DOCK7: variants seen among roughly 807,000 people sequenced by gnomAD.
The protein encoded by DOCK7 is dedicator of cytokinesis 7, also known as dedicator of cytokinesis protein 7.
A neutral mutation model predicts 271.0 loss-of-function variants in DOCK7; 138 were observed. That is an observed-to-expected ratio of 0.51 (90% CI 0.44 to 0.59). The LOEUF (loss-of-function observed/expected upper bound fraction) is 0.59. Ranked by LOEUF, DOCK7 falls within the 20% of genes least tolerant of loss-of-function variation. The pLI, the probability that DOCK7 is intolerant of heterozygous loss-of-function variation, is 0.00. For synonymous variants in DOCK7, 823 were observed against 876.1 expected (o/e 0.94, Z 1.07); for missense variants, 2,066 against 2,592.4 (o/e 0.80, Z 4.41).
At chr1:62,458,747 G>C (rs985017141) in intron 48 of DOCK7, 16 of 151,984 alleles carry the variant, frequency 1.1e-4, no homozygotes, top group African/African-American at 3.9e-4. Flanking sequence ...TAGCCAGGCT[G>C]GTCTCGAACT....
chr1:62,623,541 AT>A (rs1653547661), intron 12 of DOCK7, among the ~76,000 whole-genome samples: 1 of 152,224 alleles, frequency 6.6e-6, no homozygotes, highest in Non-Finnish European at 1.5e-5. Context: ...ATTTATGCTT[AT>A]AATACCAATT....
intron 18 of DOCK7, among the ~76,000 whole-genome samples, chr1:62,569,622 C>T (rs776860325): frequency 6.6e-6 from 1 of 152,088 alleles, no homozygotes; most frequent in African/African-American, 2.4e-5. Context: ...AAACCCACAG[C>T]CAATATCATA....
chr1:62,575,802 A>G (rs370971999), intron 18 of DOCK7, among the ~76,000 whole-genome samples: 27 of 152,356 alleles, frequency 1.8e-4, no homozygotes, highest in African/African-American at 6.0e-4. Flanking sequence ...GAGCATATAC[A>G]GTATGGTAGC....
chr1:62,578,951 A>C lies in DOCK7; in HGVS notation c.1887T>G (p.His629Gln), dbSNP rs761915421. 1.3e-6 allele frequency: 2 copies of C among 1,578,612 alleles called. No individual in the cohort carries two copies. The highest frequency in any genetic ancestry group is 4.6e-5 in the East Asian group (2 of 43,922). ...CAGGAAGCTTAACCTTGATTTCTTC[A>C]TGAAAATCAGGAGACCTTCATACAA... Reference protein sequence around the residue: ...VVYHNRSPDFHEEIKVKLPAT... With the variant: ...VVYHNRSPDFQEEIKVKLPAT... The change falls in exon 17 of 50, where the codon CAT becomes CAG. Residue 629 changes from histidine to glutamine, a missense_variant. Transcript: ENST00000635253.
chr1:62,567,441 T>A (rs561502194), intron 18 of DOCK7, among the ~76,000 whole-genome samples: 2 of 150,780 alleles, frequency 1.3e-5, no homozygotes, highest in East Asian at 3.9e-4. Flanking sequence ...GCAAACTAAC[T>A]CAAGAACAGA....
At chr1:62,522,170 G>C (rs1053059084) in intron 31 of DOCK7, among the ~76,000 whole-genome samples, 1 of 152,012 alleles carries the variant, frequency 6.6e-6, no homozygotes, top group Non-Finnish European at 1.5e-5. Context: ...TTAGGTACTT[G>C]CAGAGAAGAG....
At chr1:62,675,483 T>TA (rs938915083) in intron 1 of DOCK7, among the ~76,000 whole-genome samples, 22 of 151,922 alleles carry the variant, frequency 1.4e-4, no homozygotes, top group Admixed American at 1.1e-3. Flanking sequence ...AATAAGCACA[T>TA]AAAAAAGGTC....
At chr1:62,580,052 T>C (rs1021250080) in intron 16 of DOCK7, among the ~76,000 whole-genome samples, 3 of 152,164 alleles carry the variant, frequency 2.0e-5, no homozygotes, top group Non-Finnish European at 4.4e-5. Context: ...ACCTTCCATA[T>C]TCAGTGAGTA....
chr1:62,663,038 G>T lies in DOCK7; in HGVS notation c.131C>A (p.Ser44Tyr). 6.2e-7 allele frequency: 1 copy of T among 1,609,994 alleles called. No homozygotes were observed. The highest frequency in any genetic ancestry group is 8.5e-7 in the Non-Finnish European group (1 of 1,176,484). Residue 44 changes from serine (S) to tyrosine (Y), a missense_variant, in exon 2 of 50, where the codon TCC (serine) becomes TAC (tyrosine). This residue lies in a region of DOCK7 where 1,414 missense variants were observed against 1,670.4 expected (regional missense o/e 0.85). Coordinates refer to ENST00000635253, the MANE Select transcript of DOCK7 (RefSeq NM_001367561.1). Reference sequence around the variant, plus strand: ...TACGTTACTTACTGTGGTGTGATGGGATATATTGCCAACAATATTAAGGTT... The same window carrying T: ...TACGTTACTTACTGTGGTGTGATGGTATATATTGCCAACAATATTAAGGTT... ...LKNLNIVGNI[S>Y]HHTTVPLTEA... is the part of the protein sequence containing the mutation.
At chr1:62,501,655 T>C (rs1646788090) in intron 37 of DOCK7, among the ~76,000 whole-genome samples, 1 of 152,088 alleles carries the variant, frequency 6.6e-6, no homozygotes. Flanking sequence ...ATAAATCTTT[T>C]TGAACATTTT....
intron 4 of DOCK7, among the ~76,000 whole-genome samples, chr1:62,653,372 A>T (rs1657610219): frequency 6.6e-6 from 1 of 152,200 alleles, no homozygotes; most frequent in Admixed American, 6.5e-5. Context: ...TAACTTAGCT[A>T]TTTAAGTTTC....
At chr1:62,513,992 A>G (rs1644582512) in intron 31 of DOCK7, 94 bp from the exon 32 acceptor site, 3 of 1,135,904 alleles carry the variant, frequency 2.6e-6, no homozygotes, top group Non-Finnish European at 3.7e-6. Flanking sequence ...ACAATAAAAC[A>G]AAAGTTGCTT....
chr1:62,512,559 T>G (rs1485966917), intron 33 of DOCK7, among the ~76,000 whole-genome samples: 3 of 152,086 alleles, frequency 2.0e-5, no homozygotes, highest in African/African-American at 7.2e-5. Context: ...ATATTTGAGT[T>G]TGATGGGCAA....
At chr1:62,570,637 G>A (rs1260349999) in intron 18 of DOCK7, among the ~76,000 whole-genome samples, 1 of 151,986 alleles carries the variant, frequency 6.6e-6, no homozygotes, top group Non-Finnish European at 1.5e-5. Flanking sequence ...GAGGCATCAC[G>A]CTACCCAACT....
chr1:62,554,763 C>T (rs532049505), intron 21 of DOCK7, among the ~76,000 whole-genome samples: 1 of 152,246 alleles, frequency 6.6e-6, no homozygotes, highest in South Asian at 2.1e-4. Flanking sequence ...TGGAGGAGCA[C>T]TGTAGATATT....
chr1:62,666,285 T>A (rs1659310308), intron 1 of DOCK7, among the ~76,000 whole-genome samples: 1 of 152,196 alleles, frequency 6.6e-6, no homozygotes, highest in Admixed American at 6.5e-5. Context: ...ATTGAAGATT[T>A]CAGATGTTAA....
intron 2 of DOCK7, among the ~76,000 whole-genome samples, chr1:62,660,886 C>T (rs1437976793): frequency 6.6e-6 from 1 of 152,026 alleles, no homozygotes; most frequent in African/African-American, 2.4e-5. Flanking sequence ...ATCACTTGAA[C>T]CCAGGAGTTC....
chr1:62,609,917 C>A (rs951153493), intron 14 of DOCK7, among the ~76,000 whole-genome samples: 1 of 152,100 alleles, frequency 6.6e-6, no homozygotes, highest in African/African-American at 2.4e-5. Context: ...GCTGAGTGAT[C>A]TCAGCTCTCT....
At chr1:62,652,120 T>C (rs1313384082) in intron 4 of DOCK7, among the ~76,000 whole-genome samples, 2 of 152,226 alleles carry the variant, frequency 1.3e-5, no homozygotes, top group Non-Finnish European at 2.9e-5. Flanking sequence ...GCTGTCACTG[T>C]GCACACATGG....
Sources: gnomAD v4.1 joint callset for allele counts (sites outside exome capture counted in the v4.1 genomes callset) on GRCh38, gnomAD v4.1.1 for gene constraint, gnomAD v4.1.1 regional missense constraint, MANE v1.5 for transcripts, NCBI Gene and HGNC (gene_info 2026-07-23, HGNC 2026-07-21) for gene names.